Variants in ANKS1B observed in about 807,000 individuals in gnomAD.
ANKS1B encodes the protein ankyrin repeat and sterile alpha motif domain containing 1B, also known as ankyrin repeat and sterile alpha motif domain-containing protein 1B.
In ANKS1B, 36 loss-of-function variants were observed where a neutral mutation model predicts 148.3. The observed-to-expected ratio is 0.24, with a 90% CI of 0.19 to 0.32. The LOEUF (loss-of-function observed/expected upper bound fraction) is 0.32. Among genes scored for constraint, ANKS1B ranks in the 10% least tolerant of loss-of-function variants. ANKS1B has a pLI of 1.00. For missense variants in ANKS1B, 1,157 were observed against 1,542.6 expected (o/e 0.75, Z 4.19); for synonymous variants, 542 against 560.8 (o/e 0.97, Z 0.47).
At chr12:98,769,212 A>G (rs947269465) in intron 25 of ANKS1B, among the ~76,000 whole-genome samples, 1 of 90,674 alleles carries the variant, frequency 1.1e-5, no homozygotes, top group Non-Finnish European at 2.0e-5. Context: ...GGGGCAGCCC[A>G]GGGGACTGAT....
At chr12:99,062,483 A>C (rs1318992095) in intron 16 of ANKS1B, among the ~76,000 whole-genome samples, 2 of 152,210 alleles carry the variant, frequency 1.3e-5, no homozygotes, top group African/African-American at 4.8e-5. Context: ...CCAAAGAAGG[A>C]ATGGTCAGGA....
intron 10 of ANKS1B, among the ~76,000 whole-genome samples, chr12:99,444,454 C>T (rs966916772): frequency 2.6e-5 from 4 of 151,878 alleles, no homozygotes; most frequent in African/African-American, 4.8e-5. Flanking sequence ...TTAATCTTCT[C>T]TTATGTTCAG....
chr12:99,115,625 A>G (rs995179126), intron 15 of ANKS1B, among the ~76,000 whole-genome samples: 4 of 80,886 alleles, frequency 4.9e-5, no homozygotes, highest in Non-Finnish European at 9.8e-5. Flanking sequence ...CTAAAATAAA[A>G]GTTAAAAAAA....
At chr12:99,341,533 C>T (rs754735848) in intron 12 of ANKS1B, among the ~76,000 whole-genome samples, 2 of 152,110 alleles carry the variant, frequency 1.3e-5, no homozygotes, top group Non-Finnish European at 2.9e-5. Flanking sequence ...TGGCTACTGC[C>T]TTCTCTGTTC....
intron 9 of ANKS1B, among the ~76,000 whole-genome samples, chr12:99,597,706 T>C (rs1340905553): frequency 6.6e-6 from 1 of 152,110 alleles, no homozygotes; most frequent in East Asian, 1.9e-4. Flanking sequence ...CAGTTAATCC[T>C]ATATCAAATG....
chr12:99,962,873 G>C (rs2095433509), intron 1 of ANKS1B, among the ~76,000 whole-genome samples: 1 of 150,726 alleles, frequency 6.6e-6, no homozygotes, highest in South Asian at 2.1e-4. Context: ...GAGTGCAGTG[G>C]CATGATCTCG....
Position 99,154,357 on chromosome 12 carries a change from C to T in ANKS1B, c.2458G>A (p.Glu820Lys). 1.2e-6 allele frequency: 2 copies of T among 1,613,784 alleles called. No individual in the cohort carries two copies. The highest frequency in any genetic ancestry group is 1.7e-6 in the Non-Finnish European group (2 of 1,179,742). Residue 820 changes from glutamate (E) to lysine (K), a missense_variant, in exon 15 of 27, where the codon GAA (glutamate) becomes AAA (lysine). Glu to Lys is a moderately conservative substitution (Grantham distance 56, BLOSUM62 1). Transcript: ENST00000683438. ...TCGTACTGAGGTAGCCCAATGCTTT[C>T]CAACCATTGTCCCACTGTTTGGACA... ...CPVQTVGQWLESIGLPQYENH... is the reference protein window; with the variant it reads ...CPVQTVGQWLKSIGLPQYENH...
intron 9 of ANKS1B, among the ~76,000 whole-genome samples, chr12:99,652,876 T>A (rs563297615): frequency 1.1e-4 from 16 of 152,196 alleles, no homozygotes; most frequent in African/African-American, 3.9e-4. Flanking sequence ...CAAAAAATAA[T>A]ATAGAGCCAT....
At chr12:99,126,240 G>A (rs962985037) in intron 15 of ANKS1B, among the ~76,000 whole-genome samples, 15 of 152,056 alleles carry the variant, frequency 9.9e-5, no homozygotes, top group African/African-American at 2.4e-4. Context: ...ATCCCTCTAC[G>A]CAGGAAGTTT....
chr12:98,794,630 G>A (rs2098930973), intron 22 of ANKS1B: 1 of 836,850 alleles, frequency 1.2e-6, no homozygotes, highest in East Asian at 2.4e-5. Context: ...TCCTCACAAA[G>A]TTAGGTGGAC....
intron 17 of ANKS1B, among the ~76,000 whole-genome samples, chr12:99,001,184 G>A (rs915370748): frequency 1.3e-5 from 2 of 152,104 alleles, no homozygotes; most frequent in Admixed American, 6.5e-5. Context: ...GCCCGGGCTG[G>A]AGTGGTGGCG....
chr12:99,073,868 A>T (rs1282151919), intron 16 of ANKS1B, among the ~76,000 whole-genome samples: 1 of 152,152 alleles, frequency 6.6e-6, no homozygotes, highest in African/African-American at 2.4e-5. Flanking sequence ...TCAGGAGGCA[A>T]TTGTCATGAG....
intron 4 of ANKS1B, among the ~76,000 whole-genome samples, chr12:99,798,443 A>AAC (rs1555618304): frequency 2.0e-5 from 3 of 151,368 alleles, no homozygotes; most frequent in African/African-American, 7.3e-5. Flanking sequence ...AAAAAAAAAA[A>AAC]CAAAAGATAA....
chr12:99,146,994 C>G (rs2073351268), intron 15 of ANKS1B, among the ~76,000 whole-genome samples: 1 of 152,144 alleles, frequency 6.6e-6, no homozygotes, highest in Non-Finnish European at 1.5e-5. Context: ...TGCTTTCATG[C>G]TACAATAGCT....
At chr12:99,260,254 T>C (rs574017467) in intron 12 of ANKS1B, among the ~76,000 whole-genome samples, 6 of 152,304 alleles carry the variant, frequency 3.9e-5, no homozygotes, top group African/African-American at 1.4e-4. Context: ...GAAAGTGATT[T>C]TGTAATATAA....
intron 9 of ANKS1B, among the ~76,000 whole-genome samples, chr12:99,628,387 A>G (rs1343124104): frequency 2.0e-5 from 3 of 152,184 alleles, no homozygotes; most frequent in Admixed American, 1.3e-4. Flanking sequence ...TGTTTAAGTT[A>G]AACATCTAAA....
intron 9 of ANKS1B, among the ~76,000 whole-genome samples, chr12:99,559,177 GTTC>G: frequency 6.6e-6 from 1 of 152,018 alleles, no homozygotes; most frequent in Non-Finnish European, 1.5e-5. Context: ...TCTTCCCAAT[GTTC>G]TTGTTTCTCA....
intron 12 of ANKS1B, among the ~76,000 whole-genome samples, chr12:99,248,775 T>C (rs1338723962): frequency 6.6e-6 from 1 of 152,210 alleles, no homozygotes; most frequent in Non-Finnish European, 1.5e-5. Context: ...TTAAGGTCTA[T>C]CAGATTCTGA....
rs1025888217 is a variant in ANKS1B, at chr12:99,007,214, C to T, written c.2778+45943G>A. 4.6e-5 allele frequency among the ~76,000 whole-genome samples: 7 copies of T among 152,146 alleles called. 1 individual carries two copies. Among genetic ancestry groups the T allele is most frequent in the Admixed American group, 4.6e-4 (7 of 15,278 alleles). ...CCAGCTATTTTTAAAGGAAGATGAT[C>T]AGGAACTAGTTATGAAAGAATCAGA... On this transcript the variant is annotated intron_variant, in intron 17 of 26. Coordinates refer to ENST00000683438, the MANE Select transcript of ANKS1B (RefSeq NM_001352186.2).
Sources: gnomAD v4.1 joint callset for allele counts (sites outside exome capture counted in the v4.1 genomes callset) on GRCh38, gnomAD v4.1.1 for gene constraint, MANE v1.5 for transcripts, NCBI Gene and HGNC (gene_info 2026-07-23, HGNC 2026-07-21) for gene names.